The following MELK variants were observed in gnomAD, a reference collection of about 807,000 sequenced individuals.
The protein encoded by MELK is pEg3 kinase.
Under a neutral mutation model 85.0 loss-of-function variants are expected in MELK, and 81 were observed. The ratio of observed to expected loss-of-function variants is 0.95; its 90% confidence interval spans 0.80 to 1.15. The LOEUF is 1.15. MELK is among the 50% of genes most tolerant of loss of function. The probability of loss-of-function intolerance (pLI) is 0.00; values close to 1 mark genes in which losing one functional copy is unlikely to be tolerated. For synonymous variants in MELK, 252 were observed against 265.0 expected (o/e 0.95, Z 0.48); for missense variants, 754 against 777.5 (o/e 0.97, Z 0.36).
chr9:36,599,142 A>C (rs1824628185), intron 6 of MELK, among the ~76,000 whole-genome samples: 1 of 152,056 alleles, frequency 6.6e-6, no homozygotes, highest in Non-Finnish European at 1.5e-5. Context: ...CCAAAAATAC[A>C]AAAATTAGTT....
intron 7 of MELK, among the ~76,000 whole-genome samples, chr9:36,600,106 T>G (rs1233977142): frequency 1.3e-5 from 2 of 152,044 alleles, no homozygotes; most frequent in Non-Finnish European, 2.9e-5. Flanking sequence ...TTTGTTTTTT[T>G]TTTTTGAGAC....
intron 13 of MELK, among the ~76,000 whole-genome samples, chr9:36,658,859 G>A (rs1235713916): frequency 6.6e-6 from 1 of 150,416 alleles, no homozygotes; most frequent in African/African-American, 2.5e-5. Context: ...CCGCCATCAT[G>A]CCTGGCTAAT....
chr9:36,607,920 G>A (rs1825713423), intron 8 of MELK, among the ~76,000 whole-genome samples: 1 of 152,084 alleles, frequency 6.6e-6, no homozygotes, highest in Non-Finnish European at 1.5e-5. Flanking sequence ...GGTCTTAGTT[G>A]CCCATGGTCA....
At chr9:36,651,953 C>T in intron 12 of MELK, 76 bp downstream of exon 12, 4 of 1,330,850 alleles carry the variant, frequency 3.0e-6, no homozygotes, top group Non-Finnish European at 3.9e-6. Flanking sequence ...GGAAGGTAAA[C>T]TTTCCGGTGT....
At chr9:36,578,967 C>T (rs1244548807) in intron 1 of MELK, among the ~76,000 whole-genome samples, 3 of 151,704 alleles carry the variant, frequency 2.0e-5, no homozygotes, top group Admixed American at 6.6e-5. Flanking sequence ...CTCAGCCTCC[C>T]GAGTAGCTGG....
chr9:36,627,487 C>G (rs1828052972), intron 8 of MELK, among the ~76,000 whole-genome samples: 1 of 150,504 alleles, frequency 6.6e-6, no homozygotes, highest in South Asian at 2.1e-4. Flanking sequence ...ATCGAAAGCA[C>G]TCAGTATTAC....
At chr9:36,577,910 C>T (rs1357796474) in intron 1 of MELK, among the ~76,000 whole-genome samples, 4 of 151,906 alleles carry the variant, frequency 2.6e-5, no homozygotes, top group Admixed American at 2.6e-4. Flanking sequence ...GCCTCAGCCT[C>T]CCAAAGTGCC....
At chr9:36,590,674 C>T (rs1007661408) in intron 4 of MELK, among the ~76,000 whole-genome samples, 1 of 152,174 alleles carries the variant, frequency 6.6e-6, no homozygotes, top group Non-Finnish European at 1.5e-5. Flanking sequence ...TGAAAGATGT[C>T]TTTAGAACTT....
chr9:36,584,372 C>T (rs1822619561), intron 3 of MELK, among the ~76,000 whole-genome samples: 1 of 144,622 alleles, frequency 6.9e-6, no homozygotes, highest in Non-Finnish European at 1.5e-5. Context: ...GGCTGGAGTG[C>T]AGTGGCGCGA....
chr9:36,662,081 TTA>T (rs1786589306), intron 13 of MELK, among the ~76,000 whole-genome samples: 1 of 151,930 alleles, frequency 6.6e-6, no homozygotes, highest in Non-Finnish European at 1.5e-5. Flanking sequence ...CTTTCTTTTT[TTA>T]TGTTTCCTAT....
intron 7 of MELK, among the ~76,000 whole-genome samples, chr9:36,606,046 C>A: frequency 6.6e-6 from 1 of 151,592 alleles, no homozygotes; most frequent in East Asian, 1.9e-4. Flanking sequence ...TGACTAAGGC[C>A]AAATACTGCT....
At chr9:36,605,593 T>C (rs775742706) in intron 7 of MELK, among the ~76,000 whole-genome samples, 3 of 151,994 alleles carry the variant, frequency 2.0e-5, no homozygotes, top group Non-Finnish European at 4.4e-5. Context: ...CTCGGAGGCG[T>C]AAATGGTCAA....
At chr9:36,645,256 CAAAAAAAA>C (rs398046556) in intron 11 of MELK, among the ~76,000 whole-genome samples, 1 of 60,756 alleles carries the variant, frequency 1.6e-5, no homozygotes, top group African/African-American at 6.2e-5. Context: ...GACTCCGTCT[CAAAAAAAA>C]AAAAAAAAAA....
At chr9:36,621,053 G>A (rs1827357550) in intron 8 of MELK, among the ~76,000 whole-genome samples, 2 of 151,386 alleles carry the variant, frequency 1.3e-5, no homozygotes, top group Admixed American at 6.6e-5. Flanking sequence ...GGCGAATCAC[G>A]AGGTCAGGAG....
intron 10 of MELK, among the ~76,000 whole-genome samples, chr9:36,636,156 T>G (rs1829119918): frequency 6.6e-6 from 1 of 152,118 alleles, no homozygotes; most frequent in African/African-American, 2.4e-5. Context: ...GACTTGGATA[T>G]TTTGTGTATT....
At chr9:36,598,785 T>G (rs983771249) in intron 6 of MELK, among the ~76,000 whole-genome samples, 5 of 152,166 alleles carry the variant, frequency 3.3e-5, no homozygotes, top group African/African-American at 1.2e-4. Context: ...TATGCTGGGC[T>G]TATTTATGTA....
At chr9:36,600,144 A>G (rs1824765863) in intron 7 of MELK, among the ~76,000 whole-genome samples, 1 of 151,070 alleles carries the variant, frequency 6.6e-6, no homozygotes, top group African/African-American at 2.4e-5. Context: ...CCCAGGCTGG[A>G]GTGCAGTGGC....
intron 8 of MELK, among the ~76,000 whole-genome samples, chr9:36,617,594 A>G (rs1252569037): frequency 6.6e-6 from 1 of 152,200 alleles, no homozygotes; most frequent in East Asian, 1.9e-4. Context: ...TGTTGGGATT[A>G]TAGGCATGAG....
At chr9:36,647,705 T>C (rs1830353148) in intron 11 of MELK, among the ~76,000 whole-genome samples, 1 of 152,008 alleles carries the variant, frequency 6.6e-6, no homozygotes, top group South Asian at 2.1e-4. Context: ...GCTGGGCTGG[T>C]CTCGATCTCC....
Sources: allele counts gnomAD v4.1 joint callset (sites outside exome capture counted in the v4.1 genomes callset), GRCh38; gene constraint gnomAD v4.1.1; transcripts MANE v1.5; gene names NCBI Gene and HGNC (gene_info 2026-07-23, HGNC 2026-07-21).